CUL3: variants seen among roughly 807,000 people sequenced by gnomAD.
The protein encoded by CUL3 is cullin 3, also known as cullin-3.
Under a neutral mutation model 89.1 loss-of-function variants are expected in CUL3, and 19 were observed. The observed-to-expected ratio is 0.21, with a 90% confidence interval of 0.15 to 0.31. CUL3 has a LOEUF of 0.31. CUL3 is among the 10% of genes least tolerant of loss of function. The probability of loss-of-function intolerance (pLI) is 1.00; values close to 1 mark genes in which losing one functional copy is unlikely to be tolerated. For missense variants in CUL3, 469 were observed against 942.3 expected (o/e 0.50, Z 6.58); for synonymous variants, 351 against 308.4 (o/e 1.14, Z -1.45).
chr2:224,491,214 G>A lies in CUL3; in HGVS notation c.1842+4618C>T, dbSNP rs146533829. Among the ~76,000 whole-genome samples the A allele has an allele frequency of 4.7e-3, 718 of 152,182 alleles. 6 individuals carry two copies. The highest frequency in any genetic ancestry group is 0.017 in the African/African-American group (694 of 41,518). ...ATTTCAGATTTCCTTGAATTTATAG[G>A]TGACTTTTAAAAACAGCACACTTAT... On this transcript the variant is annotated intron_variant, in intron 13 of 15. Coordinates refer to ENST00000264414, the MANE Select transcript of CUL3 (RefSeq NM_003590.5).
rs928733060 is a variant in CUL3, at chr2:224,472,176, A to G, written c.*2069T>C. 4 of 226,082 alleles carry G rather than the reference A, an allele frequency of 1.8e-5. No homozygotes were observed. The highest frequency in any genetic ancestry group is 4.4e-5 in the African/African-American group (2 of 45,044). 14.0% of individuals were successfully genotyped at this position (226,082 alleles called of 1,614,324 possible). ...ATGTATTTAGAAGCATAAATATCAA[A>G]CCTGTGCTCCAAAGTTAACAAGTAT... On this transcript the variant is annotated 3_prime_UTR_variant, in exon 16 of 16. Coordinates refer to ENST00000264414, the MANE Select transcript of CUL3 (RefSeq NM_003590.5).
intron 5 of CUL3, 140 bp downstream of exon 5, chr2:224,513,384 G>A (rs565455946): frequency 8.3e-6 from 5 of 603,500 alleles, no homozygotes; most frequent in South Asian, 6.4e-5. Context: ...GTGAGGTAGT[G>A]TGCTGATGGG....
intron 1 of CUL3, among the ~76,000 whole-genome samples, chr2:224,571,164 T>A (rs1349068570): frequency 6.6e-6 from 1 of 152,150 alleles, no homozygotes; most frequent in Non-Finnish European, 1.5e-5. Context: ...CAGGACTCCC[T>A]TAAACACATT....
At chr2:224,552,040 T>A (rs1006594834) in intron 2 of CUL3, among the ~76,000 whole-genome samples, 2 of 152,224 alleles carry the variant, frequency 1.3e-5, no homozygotes, top group Non-Finnish European at 2.9e-5. Flanking sequence ...AGTGCAGGAA[T>A]CAGATGTATT....
chr2:224,575,686 G>A (rs1695282621), intron 1 of CUL3, among the ~76,000 whole-genome samples: 1 of 152,144 alleles, frequency 6.6e-6, no homozygotes, highest in Non-Finnish European at 1.5e-5. Flanking sequence ...TTATGAGGTA[G>A]GTATCATCAT....
At chr2:224,521,995 C>A in intron 3 of CUL3, among the ~76,000 whole-genome samples, 1 of 150,036 alleles carries the variant, frequency 6.7e-6, no homozygotes, top group East Asian at 2.0e-4. Context: ...TTAAAAAAAT[C>A]TTTATAAATA....
intron 3 of CUL3, among the ~76,000 whole-genome samples, chr2:224,524,174 A>T (rs982677248): frequency 6.6e-6 from 1 of 152,152 alleles, no homozygotes; most frequent in Non-Finnish European, 1.5e-5. Flanking sequence ...TTCCGGAGAA[A>T]AGGCAAACAT....
At chr2:224,502,871 A>G (rs1692444687) in intron 10 of CUL3, 94 bp downstream of exon 10, 3 of 839,396 alleles carry the variant, frequency 3.6e-6, no homozygotes, top group Non-Finnish European at 5.8e-6. Context: ...ATGACATTTA[A>G]AGAAACAACT....
chr2:224,478,140 T>G (rs1691390127), intron 15 of CUL3, 60 bp downstream of exon 15: 4 of 1,484,588 alleles, frequency 2.7e-6, no homozygotes, highest in Non-Finnish European at 3.6e-6. Context: ...TTGAATACAA[T>G]AATTTTGTTA....
At chr2:224,575,122 G>C (rs1695269459) in intron 1 of CUL3, among the ~76,000 whole-genome samples, 1 of 152,218 alleles carries the variant, frequency 6.6e-6, no homozygotes, top group Non-Finnish European at 1.5e-5. Context: ...GAAGAATGCT[G>C]AATGAACTTC....
chr2:224,539,010 A>G (rs1357458601), intron 2 of CUL3, among the ~76,000 whole-genome samples: 2 of 139,976 alleles, frequency 1.4e-5, no homozygotes, highest in African/African-American at 2.5e-5. Context: ...CTAAAAATAA[A>G]TAAGACTTCA....
Position 224,471,117 on chromosome 2 carries a change from C to A in CUL3, c.*3128G>T, listed in dbSNP as rs1202234544. 1.4e-5 allele frequency: 3 copies of A among 219,290 alleles called. No homozygotes were observed. Among genetic ancestry groups the A allele is most frequent in the Non-Finnish European group, 2.7e-5 (3 of 109,376 alleles). 13.6% of individuals were successfully genotyped at this position (219,290 alleles called of 1,614,324 possible). A position where few individuals can be genotyped will look rare whatever the true frequency, so the allele number is the denominator to read the frequency against. On this transcript the variant is annotated 3_prime_UTR_variant, in exon 16 of 16. Coordinates refer to ENST00000264414, the MANE Select transcript of CUL3 (RefSeq NM_003590.5). The stretch of plus-strand genomic sequence containing the variant: ...CTGCTTTGAGGACTAGAAATGACTT[C>A]TAATTTTGCTGACCTGAAATGTTTT...
chr2:224,531,971 T>A (rs544209853), intron 3 of CUL3, among the ~76,000 whole-genome samples: 2 of 152,026 alleles, frequency 1.3e-5, no homozygotes, highest in African/African-American at 4.8e-5. Flanking sequence ...TAACAGACAA[T>A]AAAGAGAAAA....
At chr2:224,493,475 T>C (rs563906839) in intron 13 of CUL3, among the ~76,000 whole-genome samples, 6 of 152,372 alleles carry the variant, frequency 3.9e-5, no homozygotes, top group Admixed American at 1.3e-4. Context: ...GCCATAGGCA[T>C]GGCATTCTAT....
chr2:224,516,016 C>T (rs1157952186), intron 3 of CUL3, among the ~76,000 whole-genome samples: 3 of 152,100 alleles, frequency 2.0e-5, no homozygotes, highest in South Asian at 2.1e-4. Flanking sequence ...AAATTCTCCA[C>T]GTGCAGTTCT....
intron 2 of CUL3, among the ~76,000 whole-genome samples, chr2:224,557,333 G>A (rs1325245269): frequency 6.6e-6 from 1 of 150,800 alleles, no homozygotes; most frequent in African/African-American, 2.4e-5. Flanking sequence ...AAATGAGAAA[G>A]TAAAAATGGG....
intron 1 of CUL3, among the ~76,000 whole-genome samples, chr2:224,579,695 C>T (rs1041906528): frequency 6.6e-6 from 1 of 152,194 alleles, no homozygotes; most frequent in Non-Finnish European, 1.5e-5. Flanking sequence ...CACTCTTTCT[C>T]CTGATGAGTT....
intron 1 of CUL3, among the ~76,000 whole-genome samples, chr2:224,559,989 G>T (rs915288896): frequency 6.6e-6 from 1 of 152,082 alleles, no homozygotes; most frequent in Non-Finnish European, 1.5e-5. Context: ...GGGCTGAGGC[G>T]GGAGGATCGC....
At chr2:224,505,821 TAA>T in intron 8 of CUL3, 133 bp downstream of exon 8, 1 of 488,084 alleles carries the variant, frequency 2.0e-6, no homozygotes, top group Non-Finnish European at 3.4e-6. Context: ...CAATATTTTT[TAA>T]TAGACCATGG....
Sources: gnomAD v4.1 joint callset for allele counts (sites outside exome capture counted in the v4.1 genomes callset) on GRCh38, gnomAD v4.1.1 for gene constraint, MANE v1.5 for transcripts, NCBI Gene and HGNC (gene_info 2026-07-23, HGNC 2026-07-21) for gene names.